FTO: variants seen among roughly 807,000 people sequenced by gnomAD.
The protein encoded by FTO is alpha-ketoglutarate-dependent dioxygenase FTO.
FTO carries 47 observed loss-of-function variants against 63.9 expected under a neutral mutation model. The observed-to-expected ratio is 0.74, with a 90% CI of 0.58 to 0.94. The LOEUF is 0.94. FTO is among the 40% of genes least tolerant of loss of function. The pLI, the probability that FTO is intolerant of heterozygous loss-of-function variation, is 0.00. For missense variants in FTO, 562 were observed against 618.1 expected, an observed-to-expected ratio of 0.91 and a Z score of 0.96; for synonymous variants, 207 against 224.4, an observed-to-expected ratio of 0.92 and a Z score of 0.69.
chr16:54,041,214 C>G (rs2085067395), intron 8 of FTO, among the ~76,000 whole-genome samples: 1 of 152,060 alleles, frequency 6.6e-6, no homozygotes, highest in Admixed American at 6.5e-5. Flanking sequence ...GTGGGGACGC[C>G]TCAGGAAACT....
chr16:53,942,909 C>G (rs2082566169), intron 8 of FTO, among the ~76,000 whole-genome samples: 1 of 152,152 alleles, frequency 6.6e-6, no homozygotes, highest in South Asian at 2.1e-4. Flanking sequence ...AGTTCGGTAG[C>G]TGTCAGTTGC....
intron 4 of FTO, among the ~76,000 whole-genome samples, chr16:53,860,645 T>C (rs2080145454): frequency 1.3e-5 from 2 of 152,054 alleles, no homozygotes; most frequent in Admixed American, 1.3e-4. Context: ...TTAAACCACC[T>C]GATCTTGTGA....
At chr16:53,941,033 C>A (rs2082516282) in intron 8 of FTO, among the ~76,000 whole-genome samples, 1 of 152,140 alleles carries the variant, frequency 6.6e-6, no homozygotes, top group Non-Finnish European at 1.5e-5. Context: ...TTGATCGGGG[C>A]TCAACAAGTA....
At chr16:53,887,738 T>A (rs969508398) in intron 6 of FTO, 1 of 152,168 alleles carries the variant, frequency 6.6e-6, no homozygotes, top group Non-Finnish European at 1.5e-5. Context: ...TCTCAAGCAT[T>A]TCAGATAAGA....
intron 1 of FTO, among the ~76,000 whole-genome samples, chr16:53,723,237 A>G (rs1480923235): frequency 6.6e-6 from 1 of 152,232 alleles, no homozygotes; most frequent in Non-Finnish European, 1.5e-5. Context: ...CCACCTTGCC[A>G]TCAATAGCAT....
At chr16:53,854,154 C>A (rs544291408) in intron 4 of FTO, among the ~76,000 whole-genome samples, 1 of 152,100 alleles carries the variant, frequency 6.6e-6, no homozygotes, top group South Asian at 2.1e-4. Flanking sequence ...CATTTGCCCA[C>A]TTTTTAGTGG....
intron 4 of FTO, among the ~76,000 whole-genome samples, chr16:53,859,286 CCTT>C (rs1432038594): frequency 6.6e-6 from 1 of 152,022 alleles, no homozygotes; most frequent in Admixed American, 6.6e-5. Flanking sequence ...CTTCTGACCT[CCTT>C]CTTTACACAT....
At chr16:53,737,960 T>G (rs926948275) in intron 1 of FTO, among the ~76,000 whole-genome samples, 7 of 152,108 alleles carry the variant, frequency 4.6e-5, no homozygotes, top group Non-Finnish European at 8.8e-5. Context: ...TTCTTTCTTT[T>G]TTTTCTTTTT....
chr16:54,021,655 A>G (rs1230832772), intron 8 of FTO, among the ~76,000 whole-genome samples: 1 of 151,922 alleles, frequency 6.6e-6, no homozygotes, highest in African/African-American at 2.4e-5. Flanking sequence ...ACACCCAGCC[A>G]ATTTTTGTAT....
intron 8 of FTO, among the ~76,000 whole-genome samples, chr16:54,049,536 G>A (rs1013433863): frequency 6.6e-6 from 1 of 152,168 alleles, no homozygotes; most frequent in Non-Finnish European, 1.5e-5. Context: ...AGTGGTGAGG[G>A]GGGGAAATGG....
intron 7 of FTO, among the ~76,000 whole-genome samples, chr16:53,931,788 G>A (rs1294927939): frequency 2.0e-5 from 3 of 151,648 alleles, no homozygotes; most frequent in Admixed American, 6.6e-5. Context: ...CAGCCCATTG[G>A]TGTTTCTCAT....
chr16:54,066,273 G>T (rs2085728601), intron 8 of FTO, among the ~76,000 whole-genome samples: 1 of 152,136 alleles, frequency 6.6e-6, no homozygotes, highest in African/African-American at 2.4e-5. Flanking sequence ...CTGCAAATGG[G>T]GATGCTGAAA....
chr16:53,941,167 C>T (rs1448308815), intron 8 of FTO, among the ~76,000 whole-genome samples: 2 of 152,176 alleles, frequency 1.3e-5, no homozygotes, highest in East Asian at 3.8e-4. Context: ...CAAGTCGGCA[C>T]CGTCCAGTTT....
intron 8 of FTO, among the ~76,000 whole-genome samples, chr16:53,972,598 C>G (rs919268002): frequency 2.6e-5 from 4 of 152,148 alleles, no homozygotes; most frequent in Non-Finnish European, 5.9e-5. Flanking sequence ...GGGACTGAAC[C>G]AGATTCATTT....
chr16:53,917,365 C>A (rs113198829), intron 7 of FTO, among the ~76,000 whole-genome samples: 1 of 152,162 alleles, frequency 6.6e-6, no homozygotes, highest in Non-Finnish European at 1.5e-5. Flanking sequence ...CTTATCAGCT[C>A]TGTGATCTGA....
At chr16:53,889,736 A>G (rs919598127) in intron 7 of FTO, among the ~76,000 whole-genome samples, 1 of 152,256 alleles carries the variant, frequency 6.6e-6, no homozygotes, top group East Asian at 1.9e-4. Context: ...AGGTGTGACC[A>G]GAGCAAGTAG....
intron 8 of FTO, among the ~76,000 whole-genome samples, chr16:54,034,498 T>C (rs1037892989): frequency 3.5e-4 from 54 of 152,304 alleles, no homozygotes; most frequent in African/African-American, 1.3e-3. Flanking sequence ...TCCAGTTCTG[T>C]TATAGTCATT....
chr16:54,039,585 A>C (rs966906647), intron 8 of FTO: 19 of 152,272 alleles, frequency 1.2e-4, no homozygotes, highest in Non-Finnish European at 2.9e-5. Flanking sequence ...AGTCCTGAGC[A>C]GACAGTGAAG....
chr16:53,804,626 A>G (rs1360162646), intron 1 of FTO, among the ~76,000 whole-genome samples: 1 of 128,244 alleles, frequency 7.8e-6, no homozygotes, highest in African/African-American at 3.0e-5. Context: ...GCTACTTCTT[A>G]TTGATCTTTT....
Sources: gnomAD v4.1 joint callset for allele counts (sites outside exome capture counted in the v4.1 genomes callset) on GRCh38, gnomAD v4.1.1 for gene constraint, MANE v1.5 for transcripts, NCBI Gene and HGNC (gene_info 2026-07-23, HGNC 2026-07-21) for gene names.